AMBRA1: variants seen among roughly 807,000 people sequenced by gnomAD.
The protein encoded by AMBRA1 is autophagy and beclin 1 regulator 1.
AMBRA1 carries 47 observed loss-of-function variants against 125.4 expected under a neutral mutation model. The observed-to-expected ratio is 0.37, with a 90% CI of 0.30 to 0.48. The LOEUF is 0.48. Among genes scored for constraint, AMBRA1 ranks in the 20% least tolerant of loss-of-function variants. AMBRA1 has a pLI of 0.99. For missense variants in AMBRA1, 1,331 were observed against 1,693.4 expected, an observed-to-expected ratio of 0.79 and a Z score of 3.76; for synonymous variants, 626 against 655.5, an observed-to-expected ratio of 0.95 and a Z score of 0.69.
At chr11:46,557,136 CAA>C (rs760490717) in intron 1 of AMBRA1, among the ~76,000 whole-genome samples, 5 of 113,194 alleles carry the variant, frequency 4.4e-5, no homozygotes, top group South Asian at 2.9e-4. Context: ...AACTCCATCT[CAA>C]AAAAAAAAAA....
At chr11:46,510,463 G>C (rs1951214860) in intron 8 of AMBRA1, among the ~76,000 whole-genome samples, 1 of 152,140 alleles carries the variant, frequency 6.6e-6, no homozygotes, top group African/African-American at 2.4e-5. Flanking sequence ...AATATACAAG[G>C]AGAAAAATCT....
chr11:46,517,755 C>G (rs1366760440), intron 7 of AMBRA1, among the ~76,000 whole-genome samples: 3 of 147,986 alleles, frequency 2.0e-5, no homozygotes, highest in Middle Eastern at 3.6e-3. Context: ...CGCTTGAACC[C>G]GGGAGGCAGA....
intron 11 of AMBRA1, among the ~76,000 whole-genome samples, chr11:46,484,580 T>C (rs1443870316): frequency 1.3e-5 from 2 of 152,104 alleles, no homozygotes; most frequent in Admixed American, 6.5e-5. Context: ...TTGTACTAAC[T>C]TACATTCCCA....
intron 7 of AMBRA1, among the ~76,000 whole-genome samples, chr11:46,538,739 C>G (rs923752656): frequency 6.6e-6 from 1 of 152,174 alleles, no homozygotes; most frequent in African/African-American, 2.4e-5. Context: ...CTCAGGCAAT[C>G]TGCCTGCTTC....
Position 46,417,870 on chromosome 11 carries a change from C to T in AMBRA1, c.3116+43G>A, listed in dbSNP as rs755866542. ...GGTGAATACTGATTACCCCAGTCCTCGGCCCCAGTGATCCCTCAACCCCCA... is the reference window on the plus strand; with the variant it reads ...GGTGAATACTGATTACCCCAGTCCTTGGCCCCAGTGATCCCTCAACCCCCA... On this transcript the variant is annotated intron_variant, in intron 15 of 17. Coordinates refer to ENST00000683756, the MANE Select transcript of AMBRA1 (RefSeq NM_001387011.1). 1.3e-5 allele frequency: 21 copies of T among 1,559,878 alleles called. No homozygotes were observed. The East Asian group carries it at 4.2e-4, about 31-fold the overall frequency.
intron 1 of AMBRA1, among the ~76,000 whole-genome samples, chr11:46,567,533 A>C (rs1306515904): frequency 2.1e-5 from 3 of 146,204 alleles, no homozygotes; most frequent in Admixed American, 6.9e-5. Flanking sequence ...ATTAATTTTC[A>C]TATTTTTAGT....
At chr11:46,415,051 G>A (rs924789374) in intron 15 of AMBRA1, among the ~76,000 whole-genome samples, 16 of 152,128 alleles carry the variant, frequency 1.1e-4, no homozygotes, top group African/African-American at 3.4e-4. Flanking sequence ...ACAGCCACCT[G>A]TTTCGGAGGG....
intron 7 of AMBRA1, among the ~76,000 whole-genome samples, chr11:46,525,750 CA>C (rs111312158): frequency 9.4e-4 from 132 of 140,524 alleles, no homozygotes; most frequent in Non-Finnish European, 8.1e-4. Context: ...GACTCCGTCT[CA>C]AAAAAAAAAA....
chr11:46,490,389 C>T (rs1284900569), intron 11 of AMBRA1, among the ~76,000 whole-genome samples: 1 of 152,140 alleles, frequency 6.6e-6, no homozygotes, highest in African/African-American at 2.4e-5. Context: ...ACTATCAAAA[C>T]ACTTTTCTCT....
chr11:46,583,950 T>G (rs1401470487), intron 1 of AMBRA1, among the ~76,000 whole-genome samples: 21 of 142,652 alleles, frequency 1.5e-4, no homozygotes, highest in Non-Finnish European at 3.2e-4. Flanking sequence ...TCAACCATTG[T>G]GGAAGTCAGT....
chr11:46,498,047 G>A (rs1950702712), intron 9 of AMBRA1, among the ~76,000 whole-genome samples: 1 of 152,152 alleles, frequency 6.6e-6, no homozygotes, highest in South Asian at 2.1e-4. Context: ...GCTGATACAA[G>A]GTCGACATCA....
Position 46,567,484 on chromosome 11 carries a change from A to G in AMBRA1, c.-120-18984T>C, listed in dbSNP as rs973813978. Among the ~76,000 whole-genome samples, 6 of 151,960 alleles carry G rather than the reference A, an allele frequency of 3.9e-5. No homozygotes were observed. In the East Asian group the frequency reaches 7.7e-4, roughly 20 times the overall value. On this transcript the variant is annotated intron_variant, in intron 1 of 17. Coordinates refer to ENST00000683756, the MANE Select transcript of AMBRA1 (RefSeq NM_001387011.1). ...CGAGTTCAAGCAGTCCTCTGGCTCA[A>G]CCTTTCAAATAGCTGGGAGTACATG...
chr11:46,491,813 G>A (rs568617524), intron 11 of AMBRA1, among the ~76,000 whole-genome samples: 2 of 152,130 alleles, frequency 1.3e-5, no homozygotes, highest in Admixed American at 6.6e-5. Context: ...AGTGTAATTA[G>A]GCCATTTGGG....
intron 9 of AMBRA1, chr11:46,504,383 A>G (rs1950956257): frequency 1.3e-5 from 2 of 152,140 alleles, no homozygotes; most frequent in Non-Finnish European, 2.9e-5. Flanking sequence ...CAAACATGAA[A>G]ATGGAAGTCT....
At chr11:46,469,218 C>T (rs757252925) in intron 11 of AMBRA1, among the ~76,000 whole-genome samples, 15 of 152,134 alleles carry the variant, frequency 9.9e-5, no homozygotes, top group East Asian at 3.8e-4. Context: ...CTATATCTAA[C>T]GTATTTTCAT....
intron 1 of AMBRA1, among the ~76,000 whole-genome samples, chr11:46,555,443 G>A (rs772171222): frequency 1.1e-4 from 17 of 152,128 alleles, no homozygotes; most frequent in Admixed American, 5.9e-4. Flanking sequence ...GCTTCATAGG[G>A]TTGTTATGAG....
At chr11:46,564,575 A>G (rs1260364837) in intron 1 of AMBRA1, among the ~76,000 whole-genome samples, 2 of 146,800 alleles carry the variant, frequency 1.4e-5, no homozygotes, top group East Asian at 3.9e-4. Flanking sequence ...ACAGAAAAAG[A>G]AAAAAAAAAG....
chr11:46,422,645 G>A (rs931126336), intron 14 of AMBRA1, among the ~76,000 whole-genome samples: 3 of 152,070 alleles, frequency 2.0e-5, no homozygotes, highest in Non-Finnish European at 4.4e-5. Context: ...GAGGAAAAAG[G>A]TATTGCAGCC....
intron 7 of AMBRA1, among the ~76,000 whole-genome samples, chr11:46,533,439 C>T (rs1427111458): frequency 6.6e-6 from 1 of 152,194 alleles, no homozygotes; most frequent in Non-Finnish European, 1.5e-5. Flanking sequence ...CTCTCCCTTC[C>T]TCACAGTTCG....
Sources: allele counts gnomAD v4.1 joint callset (sites outside exome capture counted in the v4.1 genomes callset), GRCh38; gene constraint gnomAD v4.1.1; transcripts MANE v1.5; gene names NCBI Gene and HGNC (gene_info 2026-07-23, HGNC 2026-07-21).